DNASE1L1: variants seen among roughly 807,000 people sequenced by gnomAD.
The protein encoded by DNASE1L1 is deoxyribonuclease-1-like 1.
In DNASE1L1, 8 loss-of-function variants were observed where a neutral mutation model predicts 18.6. The observed-to-expected ratio is 0.43, with a 90% CI of 0.25 to 0.78. The LOEUF (loss-of-function observed/expected upper bound fraction) is 0.78, where lower values mean the gene tolerates loss of function less well. Among genes scored for constraint, DNASE1L1 ranks in the 30% least tolerant of loss-of-function variants. DNASE1L1 has a pLI of 0.23. For missense variants in DNASE1L1, 214 were observed against 258.2 expected (o/e 0.83, Z 1.17); for synonymous variants, 114 against 114.2 (o/e 1.00, Z 0.01).
upstream of DNASE1L1, among the ~76,000 whole-genome samples, chrX:154,410,794 G>C (rs12853703): frequency 2.7e-5 from 3 of 110,820 alleles, no homozygotes; most frequent in African/African-American, 9.8e-5. Context: ...CAGGAGAATA[G>C]CTTGAACCCG....
At chrX:154,411,762 C>G (rs1310401484), upstream of DNASE1L1, 7 of 929,287 alleles carry the variant, frequency 7.5e-6, no homozygotes, top group African/African-American at 9.8e-5. Context: ...GCCAGTGTCT[C>G]GAGCGGTCGA....
In DNASE1L1 at chrX:154,402,700, G is replaced by A; in HGVS notation, c.*7C>T. 8 of 1,204,020 alleles carry A rather than the reference G, an allele frequency of 6.6e-6. No individual in the cohort carries two copies. The highest frequency in any genetic ancestry group is 3.0e-5 in the East Asian group (1 of 33,646). On this transcript the variant is annotated 3_prime_UTR_variant, in exon 8 of 8. Transcript: ENST00000369807. The stretch of plus-strand genomic sequence containing the variant: ...AGGCAGCAGGCCCTGGGGGGGTAGG[G>A]GGACGCTCAGGCAGCAGGGCACAGC...
Position 154,403,389 on chromosome X carries a change from GCC to G in DNASE1L1, c.413-10_413-9del. ...ACACCAGGCTGGGAAGGACTGCAAGGCCCAGGGACCGAGGGCTGCCATCCACT... is the reference window on the plus strand; with the variant it reads ...ACACCAGGCTGGGAAGGACTGCAAGGCAGGGACCGAGGGCTGCCATCCACT... On this transcript the variant is annotated splice_polypyrimidine_tract_variant and intron_variant, in intron 5 of 7. Coordinates refer to ENST00000369807, the MANE Select transcript of DNASE1L1 (RefSeq NM_001303620.2). The G allele has an allele frequency of 1.7e-6, 2 of 1,209,136 alleles. No homozygotes were observed. The highest frequency in any genetic ancestry group is 2.2e-6 in the Non-Finnish European group (2 of 893,321).
intron 4 of DNASE1L1, among the ~76,000 whole-genome samples, chrX:154,404,373 A>G (rs782245072): frequency 9.1e-6 from 1 of 110,335 alleles, no homozygotes; most frequent in East Asian, 2.8e-4. Flanking sequence ...TTATATAGAG[A>G]ATCAGTTCTC....
At position 154,402,951 on chromosome X, in the gene DNASE1L1, G is replaced by A. The variant is rs782565559; in HGVS notation, c.765C>T (p.Thr255=). The A allele has an allele frequency of 1.1e-5, 13 of 1,208,610 alleles. No homozygotes were observed. The highest frequency in any genetic ancestry group is 8.7e-5 in the Admixed American group (4 of 45,874). ...AGCCCCATCCCTTCACCTCCTCCTC[G>A]GTGAGCTGGAAGCTCGTGGGGAAGT... ...AFDFPTSFQL[T]EEEALNISDH... is the part of the protein sequence containing the mutation. The change falls in exon 7 of 8, where the codon ACC becomes ACT. Residue 255 remains threonine (T), a synonymous_variant. Coordinates refer to ENST00000369807, the MANE Select transcript of DNASE1L1 (RefSeq NM_001303620.2).
Position 154,402,642 on chromosome X carries a change from A to G in DNASE1L1, c.*65T>C. On this transcript the variant is annotated 3_prime_UTR_variant, in exon 8 of 8. Transcript: ENST00000369807. Reference sequence around the variant, plus strand: ...TGAAGCCCCCCAGCCCCAGGGCTGGATGGACGGGGGAGGCTGGGGTTTAAG... The same window carrying G: ...TGAAGCCCCCCAGCCCCAGGGCTGGGTGGACGGGGGAGGCTGGGGTTTAAG... 9.1e-7 allele frequency: 1 copy of G among 1,100,357 alleles called. No homozygotes were observed. Among genetic ancestry groups the G allele is most frequent in the Non-Finnish European group, 1.2e-6 (1 of 820,502 alleles). The allele number at this position is 1,100,357 out of a possible 1,213,427, so 90.7% of individuals were successfully genotyped here. A position where few individuals can be genotyped will look rare whatever the true frequency, so the allele number is the denominator to read the frequency against.
chrX:154,404,881 G>T lies in DNASE1L1; in HGVS notation c.258C>A (p.Ser86Arg). The T allele has an allele frequency of 1.7e-6, 2 of 1,211,747 alleles. No homozygotes were observed. Among genetic ancestry groups the T allele is most frequent in the Non-Finnish European group, 2.2e-6 (2 of 895,433 alleles). The change falls in exon 4 of 8, where the codon AGC becomes AGA. Residue 86 changes from serine (S) to arginine (R), a missense_variant. Physicochemically the swap from Ser to Arg is moderately radical, Grantham distance 110. Coordinates refer to ENST00000369807, the MANE Select transcript of DNASE1L1 (RefSeq NM_001303620.2). ...FDGSGPYSTL[S>R]SPQLGRSTYM... ...AGGTGCTGCGCCCCAGCTGGGGGCTGCTCAGGGTGCTGTAGGGCCCAGAGC... is the reference window on the plus strand; with the variant it reads ...AGGTGCTGCGCCCCAGCTGGGGGCTTCTCAGGGTGCTGTAGGGCCCAGAGC...
chrX:154,410,808 G>A (rs1186713691), upstream of DNASE1L1, among the ~76,000 whole-genome samples: 1 of 111,235 alleles, frequency 9.0e-6, no homozygotes, highest in Non-Finnish European at 1.9e-5. Context: ...GAACCCGGGA[G>A]GCGGAGGTTG....
Position 154,404,886 on chromosome X carries a change from G to T in DNASE1L1, c.253C>A (p.Leu85Met). Residue 85 changes from leucine (L) to methionine (M), a missense_variant, in exon 4 of 8, where the codon CTG becomes ATG. Transcript: ENST00000369807. ...CTGCGCCCCAGCTGGGGGCTGCTCAGGGTGCTGTAGGGCCCAGAGCCATCA... is the reference window on the plus strand; with the variant it reads ...CTGCGCCCCAGCTGGGGGCTGCTCATGGTGCTGTAGGGCCCAGAGCCATCA... The part of the protein sequence containing the change: ...RFDGSGPYST[L>M]SSPQLGRSTY... 1.7e-6 allele frequency: 2 copies of T among 1,211,743 alleles called. No homozygotes were observed. The highest frequency in any genetic ancestry group is 2.2e-6 in the Non-Finnish European group (2 of 895,452).
chrX:154,411,321 T>G (rs2068277889), upstream of DNASE1L1, among the ~76,000 whole-genome samples: 1 of 111,590 alleles, frequency 9.0e-6, no homozygotes, highest in South Asian at 3.7e-4. Context: ...TGAGCCATGA[T>G]CCCATCACTG....
chrX:154,412,077 C>T (rs1557191037), upstream of DNASE1L1: 2 of 1,210,444 alleles, frequency 1.7e-6, no homozygotes, highest in East Asian at 5.9e-5. Flanking sequence ...ACTTCTCCTT[C>T]CCCGCCAGAG....
At position 154,405,547 on chromosome X, in the gene DNASE1L1, G is replaced by T; in HGVS notation, c.22C>A (p.Leu8Ile). The T allele has an allele frequency of 8.4e-7, 1 of 1,186,955 alleles. No homozygotes were observed. Among genetic ancestry groups the T allele is most frequent in the African/African-American group, 1.7e-5 (1 of 57,467 alleles). ...GCCCCATTGGCCAGGATGAGGAAGA[G>T]GAGTGCAGTTGGGTAGTGCATGGCT... MHYPTAL[L>I]FLILANGAQA... Residue 8 changes from leucine to isoleucine, a missense_variant, in exon 2 of 8, where the codon CTC (leucine) becomes ATC (isoleucine). Coordinates refer to ENST00000369807, the MANE Select transcript of DNASE1L1 (RefSeq NM_001303620.2).
rs1557188075 is a variant in DNASE1L1, at chrX:154,405,074, G to A, written c.145C>T (p.Arg49Cys). ...TCCTGCAGCACCATGATGTCACAGC[G>A]AGCCAGTATCTGTGGGACATCAGGA... ...VMDTLVRILA[R>C]CDIMVLQEVV... Residue 49 changes from arginine (R) to cysteine (C), a missense_variant, in exon 3 of 8, where the codon CGC (arginine) becomes TGC (cysteine). Physicochemically the swap from Arg to Cys is radical, Grantham distance 180. Transcript: ENST00000369807. 4.1e-6 allele frequency: 5 copies of A among 1,209,197 alleles called. No homozygotes were observed. Among genetic ancestry groups the A allele is most frequent in the African/African-American group, 1.7e-5 (1 of 57,411 alleles).
rs1250763312 is a variant in DNASE1L1 at position 154,409,142 on chromosome X, C to T, written c.-118G>A. 4 of 340,823 alleles carry T rather than the reference C, an allele frequency of 1.2e-5. No individual in the cohort carries two copies. The highest frequency in any genetic ancestry group is 2.4e-5 in the Non-Finnish European group (4 of 169,624). 28.1% of individuals were successfully genotyped at this position (340,823 alleles called of 1,213,427 possible). A position where few individuals can be genotyped will look rare whatever the true frequency, so the allele number is the denominator to read the frequency against. ...CAGACCAGCTTGTCACCAAGTCTGC[C>T]TCATCCTTAAGTGGATCGCGATACC... On this transcript the variant is annotated 5_prime_UTR_variant, in exon 1 of 8. Coordinates refer to ENST00000369807, the MANE Select transcript of DNASE1L1 (RefSeq NM_001303620.2).
rs869046716 is a variant in DNASE1L1, at chrX:154,409,206, GA to G, written c.-183del. The G allele has an allele frequency of 5.1e-5, 16 of 311,757 alleles. No homozygotes were observed. Among genetic ancestry groups the G allele is most frequent in the South Asian group, 5.8e-5 (2 of 34,343 alleles). 25.7% of individuals were successfully genotyped at this position (311,757 alleles called of 1,213,427 possible). ...TCCTGCCTGAATAGGGCTAGGAGGG[GA>G]AAAAAAAGAGGAAGAGGCTGTGTTC... On this transcript the variant is annotated 5_prime_UTR_variant, in exon 1 of 8. Coordinates refer to ENST00000369807, the MANE Select transcript of DNASE1L1 (RefSeq NM_001303620.2).
In DNASE1L1 at chrX:154,402,769, G is replaced by A; in HGVS notation, c.847C>T (p.Leu283Phe). 1.7e-6 allele frequency: 2 copies of A among 1,211,626 alleles called. No homozygotes were observed. Among genetic ancestry groups the A allele is most frequent in the South Asian group, 3.5e-5 (2 of 56,974 alleles). ...AGCAGCAACAGAACAGTGAGGCTGA[G>A]AGGCTGGACGCTGTGCGCCTGGCTC... ...KLSQAHSVQP[L>F]SLTVLLLLSL... The change falls in exon 8 of 8, where the codon CTC (leucine) becomes TTC (phenylalanine). Residue 283 changes from leucine (L) to phenylalanine (F), a missense_variant. Leu to Phe is a conservative substitution (Grantham distance 22, BLOSUM62 0). Transcript: ENST00000369807.
chrX:154,405,608 C>T lies in DNASE1L1; in HGVS notation c.-40G>A, dbSNP rs149219849. 3,086 of 1,101,953 alleles carry T rather than the reference C, an allele frequency of 2.8e-3. 58 individuals carry two copies. In the African/African-American group the frequency reaches 0.05, roughly 18 times the overall value. 90.8% of individuals were successfully genotyped at this position (1,101,953 alleles called of 1,213,427 possible). ...GCCGGGGACACCCCAGGAATCCAGG[C>T]TGCCCCAGGGTGCGCTCTCACTGGG... On this transcript the variant is annotated 5_prime_UTR_variant, in exon 2 of 8. Transcript: ENST00000369807.
chrX:154,404,147 C>CTTTTTTTTTTTTTTTTTTTTTT, intron 4 of DNASE1L1, among the ~76,000 whole-genome samples: 1 of 65,313 alleles, frequency 1.5e-5, no homozygotes, highest in Non-Finnish European at 2.8e-5. Context: ...TGATGTCATT[C>CTTTTTTTTTTTTTTTTTTTTTT]TTTTTTTTTT....
intron 4 of DNASE1L1, among the ~76,000 whole-genome samples, chrX:154,404,235 C>G (rs189697102): frequency 2.8e-5 from 3 of 105,574 alleles, no homozygotes; most frequent in Non-Finnish European, 5.8e-5. Flanking sequence ...TCACTGCAGC[C>G]TTGAACTCTT....
Sources: allele counts gnomAD v4.1 joint callset (sites outside exome capture counted in the v4.1 genomes callset), GRCh38; gene constraint gnomAD v4.1.1; transcripts MANE v1.5; gene names NCBI Gene and HGNC (gene_info 2026-07-23, HGNC 2026-07-21).